TASP1: variants seen among roughly 807,000 people sequenced by gnomAD.
TASP1 encodes threonine aspartase 1.
Under a neutral mutation model 56.6 loss-of-function variants are expected in TASP1, and 16 were observed. The ratio of observed to expected loss-of-function variants is 0.28; its 90% CI spans 0.19 to 0.43. The LOEUF is 0.43. Among genes scored for constraint, TASP1 ranks in the 20% least tolerant of loss-of-function variants. TASP1 has a pLI of 1.00. For missense variants in TASP1, 393 were observed against 511.6 expected, an observed-to-expected ratio of 0.77 and a Z score of 2.24; for synonymous variants, 179 against 184.2, an observed-to-expected ratio of 0.97 and a Z score of 0.23.
downstream of TASP1, among the ~76,000 whole-genome samples, chr20:13,386,102 C>A (rs2041161098): frequency 1.3e-5 from 2 of 152,202 alleles, no homozygotes; most frequent in South Asian, 4.1e-4. Context: ...CTATTCTGCT[C>A]AGCATTGTCA....
chr20:13,155,595 G>A, the TASP1 span, among the ~76,000 whole-genome samples: 1 of 152,138 alleles, frequency 6.6e-6, no homozygotes, highest in African/African-American at 2.4e-5. Context: ...GGGAGGCCCA[G>A]GCAGGCAGAT....
intron 10 of TASP1, among the ~76,000 whole-genome samples, chr20:13,507,476 G>C (rs1383382162): frequency 6.6e-6 from 1 of 152,052 alleles, no homozygotes; most frequent in South Asian, 2.1e-4. Context: ...ATTCCATTGA[G>C]CCATGATTGT....
the TASP1 span, among the ~76,000 whole-genome samples, chr20:13,324,740 C>T: frequency 6.6e-6 from 1 of 152,200 alleles, no homozygotes; most frequent in African/African-American, 2.4e-5. Flanking sequence ...AGCCAGGTGT[C>T]AGGAACAGCA....
intron 7 of TASP1, among the ~76,000 whole-genome samples, chr20:13,565,346 G>T (rs1261872610): frequency 6.6e-6 from 1 of 151,738 alleles, no homozygotes; most frequent in Non-Finnish European, 1.5e-5. Flanking sequence ...GACAATAAAA[G>T]AAAAAAATAG....
At chr20:13,290,225 C>G in the TASP1 span, among the ~76,000 whole-genome samples, 1 of 151,460 alleles carries the variant, frequency 6.6e-6, no homozygotes, top group African/African-American at 2.4e-5. Flanking sequence ...TGGGTGGAAT[C>G]TGGATGTGTA....
At chr20:13,444,744 C>A (rs2043340866) in intron 11 of TASP1, among the ~76,000 whole-genome samples, 1 of 152,072 alleles carries the variant, frequency 6.6e-6, no homozygotes, top group South Asian at 2.1e-4. Flanking sequence ...ACTACACTCA[C>A]TTTATAGAAG....
chr20:13,115,308 C>T, the TASP1 span, among the ~76,000 whole-genome samples: 1 of 152,226 alleles, frequency 6.6e-6, no homozygotes, highest in African/African-American at 2.4e-5. Context: ...CCCTAGGACT[C>T]TGTGTGTGCC....
At chr20:13,174,113 T>C in the TASP1 span, among the ~76,000 whole-genome samples, 1 of 152,212 alleles carries the variant, frequency 6.6e-6, no homozygotes, top group Non-Finnish European at 1.5e-5. Flanking sequence ...TCAATGTGTA[T>C]ATATGTGAAT....
intron 6 of TASP1, 74 bp from the exon 7 acceptor site, chr20:13,569,660 TG>T: frequency 7.7e-7 from 1 of 1,299,172 alleles, no homozygotes; most frequent in Non-Finnish European, 1.1e-6. Context: ...ATAGGTAATA[TG>T]GTAAGGCAGT....
the TASP1 span, among the ~76,000 whole-genome samples, chr20:13,183,886 G>A: frequency 2.6e-5 from 4 of 151,848 alleles, no homozygotes; most frequent in East Asian, 1.9e-4. Flanking sequence ...AAAATTAGCC[G>A]GGCATGGTGG....
At chr20:13,352,861 T>C in the TASP1 span, among the ~76,000 whole-genome samples, 1 of 152,198 alleles carries the variant, frequency 6.6e-6, no homozygotes, top group African/African-American at 2.4e-5. Flanking sequence ...TTGTAATTTC[T>C]CCATCATGCA....
chr20:13,178,653 G>A, the TASP1 span, among the ~76,000 whole-genome samples: 1 of 149,108 alleles, frequency 6.7e-6, no homozygotes. Flanking sequence ...GGAACAGAAA[G>A]TTAAACACCA....
At chr20:13,502,961 C>T (rs2044000216) in intron 10 of TASP1, among the ~76,000 whole-genome samples, 1 of 152,078 alleles carries the variant, frequency 6.6e-6, no homozygotes, top group African/African-American at 2.4e-5. Flanking sequence ...AAAGAGATAC[C>T]CTCACCACAA....
At chr20:13,337,214 T>G in the TASP1 span, among the ~76,000 whole-genome samples, 1 of 152,186 alleles carries the variant, frequency 6.6e-6, no homozygotes, top group Non-Finnish European at 1.5e-5. Flanking sequence ...CTGGCTCACC[T>G]GGAAGGACAC....
chr20:13,393,509 C>A (rs1330346123), intron 13 of TASP1: 2 of 790,166 alleles, frequency 2.5e-6, no homozygotes, highest in Admixed American at 1.8e-5. Flanking sequence ...ACACTGAGCA[C>A]CAGATTGTCT....
chr20:13,442,443 G>T (rs941619536), intron 11 of TASP1, among the ~76,000 whole-genome samples: 2 of 151,912 alleles, frequency 1.3e-5, no homozygotes, highest in African/African-American at 4.8e-5. Context: ...AGACCGTCTT[G>T]GTCTTGAAGG....
intron 11 of TASP1, among the ~76,000 whole-genome samples, chr20:13,442,914 G>C (rs1194389746): frequency 1.3e-5 from 2 of 152,078 alleles, no homozygotes; most frequent in Non-Finnish European, 2.9e-5. Flanking sequence ...TTTTAGTCTT[G>C]GGATAGCAAC....
At chr20:13,147,269 T>A in the TASP1 span, among the ~76,000 whole-genome samples, 2 of 152,156 alleles carry the variant, frequency 1.3e-5, no homozygotes, top group Admixed American at 1.3e-4. Flanking sequence ...CTGATAAAAA[T>A]GTGCATTCCT....
At chr20:13,273,733 A>G in the TASP1 span, among the ~76,000 whole-genome samples, 1 of 152,216 alleles carries the variant, frequency 6.6e-6, no homozygotes, top group Non-Finnish European at 1.5e-5. Context: ...ATGCGGCTCC[A>G]GCCTAGCTAC....
Sources: gnomAD v4.1 joint callset for allele counts (sites outside exome capture counted in the v4.1 genomes callset) on GRCh38, gnomAD v4.1.1 for gene constraint, MANE v1.5 for transcripts, NCBI Gene and HGNC (gene_info 2026-07-23, HGNC 2026-07-21) for gene names.